Variants in TNIK observed in about 807,000 individuals in gnomAD.
The protein encoded by TNIK is TRAF2 and NCK-interacting protein kinase.
In TNIK, 49 loss-of-function variants were observed where a neutral mutation model predicts 191.3. That is an observed-to-expected ratio of 0.26 (90% CI 0.20 to 0.32). TNIK has a LOEUF of 0.32. Among genes scored for constraint, TNIK ranks in the 10% least tolerant of loss-of-function variants. TNIK has a pLI of 1.00. For missense variants in TNIK, 1,155 were observed against 1,702.3 expected, an observed-to-expected ratio of 0.68 and a Z score of 5.66; for synonymous variants, 594 against 600.9, an observed-to-expected ratio of 0.99 and a Z score of 0.17.
In TNIK at chr3:171,132,724, TAG is replaced by T. The variant is rs552144193; in HGVS notation, c.1609-3848_1609-3847del. Reference sequence around the variant, plus strand: ...TCTACTGAGAATTTCAAAACATTTATAGAAGTAATTTTAAAACTGTTGACAGC... The same window carrying T: ...TCTACTGAGAATTTCAAAACATTTATAAGTAATTTTAAAACTGTTGACAGC... On this transcript the variant is annotated intron_variant, in intron 15 of 32. Transcript: ENST00000436636. Among the ~76,000 whole-genome samples, 548 of 152,326 alleles carry T rather than the reference TAG, an allele frequency of 3.6e-3. 6 individuals carry two copies. The highest frequency in any genetic ancestry group is 0.012 in the African/African-American group (518 of 41,584).
chr3:171,108,161 G>A lies in TNIK; in HGVS notation c.2286C>T (p.Ala762=). 1 of 1,538,858 alleles carries A rather than the reference G, an allele frequency of 6.5e-7. No individual in the cohort carries two copies. The highest frequency in any genetic ancestry group is 8.7e-7 in the Non-Finnish European group (1 of 1,144,692). Residue 762 remains alanine, a splice_region_variant and synonymous_variant, in exon 20 of 33, where the codon GCC becomes GCT. Transcript: ENST00000436636. ...AGSSERTRVR[A]NSKSEGSPVL... ...CAGGTGATCCTTCTGACTTACTGTTGGCTAGAGGAAAAAAACAGAGGACCA... is the reference window on the plus strand; with the variant it reads ...CAGGTGATCCTTCTGACTTACTGTTAGCTAGAGGAAAAAAACAGAGGACCA...
chr3:171,458,150 G>GC (rs1403767912), intron 1 of TNIK, among the ~76,000 whole-genome samples: 1 of 72,420 alleles, frequency 1.4e-5, no homozygotes, highest in Non-Finnish European at 3.0e-5. Context: ...GCCACTTCCC[G>GC]CCCCCCACCC....
intron 2 of TNIK, among the ~76,000 whole-genome samples, chr3:171,275,760 G>A (rs1035704525): frequency 9.9e-5 from 15 of 152,060 alleles, no homozygotes; most frequent in East Asian, 5.8e-4. Context: ...AGCCGGGCGT[G>A]GTGGTGGGTG....
chr3:171,135,422 A>G (rs1729843066), intron 15 of TNIK, among the ~76,000 whole-genome samples: 1 of 152,246 alleles, frequency 6.6e-6, no homozygotes, highest in Non-Finnish European at 1.5e-5. Context: ...TCTTATTTGT[A>G]CATCGATTGC....
intron 23 of TNIK, among the ~76,000 whole-genome samples, chr3:171,092,586 T>G (rs990027435): frequency 2.6e-5 from 4 of 152,204 alleles, no homozygotes; most frequent in Non-Finnish European, 5.9e-5. Context: ...CAATGTCAAT[T>G]TCAGCAGCCA....
At chr3:171,421,375 C>T (rs897697869) in intron 1 of TNIK, among the ~76,000 whole-genome samples, 3 of 152,166 alleles carry the variant, frequency 2.0e-5, no homozygotes, top group African/African-American at 7.2e-5. Flanking sequence ...GAAATGAGTC[C>T]TCTTGGGAAA....
chr3:171,257,235 C>G (rs950733193), intron 2 of TNIK, among the ~76,000 whole-genome samples: 8 of 152,182 alleles, frequency 5.3e-5, no homozygotes, highest in African/African-American at 1.9e-4. Context: ...TACTCTAGAA[C>G]TGGGAATTCA....
At chr3:171,290,489 A>T (rs1365415348) in intron 2 of TNIK, among the ~76,000 whole-genome samples, 2 of 152,246 alleles carry the variant, frequency 1.3e-5, no homozygotes, top group African/African-American at 4.8e-5. Flanking sequence ...TGCCTGGCAC[A>T]CAATAGATAT....
chr3:171,191,786 T>A (rs769124356), intron 5 of TNIK, among the ~76,000 whole-genome samples: 4 of 152,234 alleles, frequency 2.6e-5, no homozygotes, highest in Non-Finnish European at 4.4e-5. Context: ...ATTACTCTGT[T>A]TTTGGCTTCT....
chr3:171,101,675 G>A (rs775308335), intron 21 of TNIK, 42 bp from the exon 22 acceptor site: 57 of 1,588,802 alleles, frequency 3.6e-5, no homozygotes, highest in East Asian at 2.9e-4. Context: ...TGGTAGATAC[G>A]ACCAAAGCTA....
At chr3:171,097,224 G>A (rs1722846687) in intron 22 of TNIK, among the ~76,000 whole-genome samples, 1 of 152,204 alleles carries the variant, frequency 6.6e-6, no homozygotes. Flanking sequence ...AACAACTTCA[G>A]TGAGGAGAAA....
chr3:171,200,244 C>T (rs1336678263), intron 4 of TNIK, among the ~76,000 whole-genome samples: 1 of 141,714 alleles, frequency 7.1e-6, no homozygotes, highest in East Asian at 2.5e-4. Context: ...AACATGCATA[C>T]CACTTGAGAA....
At chr3:171,237,547 T>C (rs1744428323) in intron 2 of TNIK, among the ~76,000 whole-genome samples, 2 of 151,710 alleles carry the variant, frequency 1.3e-5, no homozygotes, top group Non-Finnish European at 2.9e-5. Flanking sequence ...GCCAAATGTC[T>C]CCTCTGTAAG....
At chr3:171,347,674 C>T (rs762197956) in intron 2 of TNIK, among the ~76,000 whole-genome samples, 38 of 152,016 alleles carry the variant, frequency 2.5e-4, no homozygotes, top group Non-Finnish European at 5.0e-4. Context: ...TGTGGTATTT[C>T]GGTTTGAGTG....
At chr3:171,138,099 T>G in intron 15 of TNIK, 92 bp downstream of exon 15, 1 of 1,234,252 alleles carries the variant, frequency 8.1e-7, no homozygotes, top group Non-Finnish European at 1.1e-6. Flanking sequence ...TTTCCAACTT[T>G]GCAGCACTGG....
intron 2 of TNIK, among the ~76,000 whole-genome samples, chr3:171,362,254 T>C (rs762955380): frequency 4.6e-5 from 7 of 152,198 alleles, no homozygotes; most frequent in Non-Finnish European, 1.0e-4. Flanking sequence ...AAATATAATA[T>C]CCAAGTGGCA....
chr3:171,442,628 A>C (rs1726965141), intron 1 of TNIK, among the ~76,000 whole-genome samples: 1 of 152,168 alleles, frequency 6.6e-6, no homozygotes, highest in Non-Finnish European at 1.5e-5. Flanking sequence ...CTCCTGAAGA[A>C]GGACCCTTTT....
rs1715785948 is a variant in TNIK at position 171,366,839 on chromosome 3, AC to A, written c.123+2780del. Among the ~76,000 whole-genome samples, 1 of 152,134 alleles carries A rather than the reference AC, an allele frequency of 6.6e-6. No individual in the cohort carries two copies. Among genetic ancestry groups the A allele is most frequent in the South Asian group, 2.1e-4 (1 of 4,824 alleles). ...ATAATTGAATCATGGAGGCGGTTTC[AC>A]CCATCCTGTTCTCATGATAGTGAGT... On this transcript the variant is annotated intron_variant, in intron 2 of 32. Coordinates refer to ENST00000436636, the MANE Select transcript of TNIK (RefSeq NM_015028.4). The surrounding 1 kb of genome is among the most constrained non-coding windows in gnomAD (Gnocchi z 4.1).
At chr3:171,206,480 G>C (rs924739747) in intron 4 of TNIK, among the ~76,000 whole-genome samples, 9 of 151,932 alleles carry the variant, frequency 5.9e-5, no homozygotes, top group African/African-American at 1.9e-4. Context: ...AGTGGGAAGT[G>C]ACTCATTTCC....
Sources: allele counts gnomAD v4.1 joint callset (sites outside exome capture counted in the v4.1 genomes callset), GRCh38; gene constraint gnomAD v4.1.1; non-coding constraint Gnocchi (gnomAD v3.1); transcripts MANE v1.5; gene names NCBI Gene and HGNC (gene_info 2026-07-23, HGNC 2026-07-21).